ASIC2: variants seen among roughly 807,000 people sequenced by gnomAD.
The protein encoded by ASIC2 is acid sensing ion channel subunit 2.
A neutral mutation model predicts 57.3 loss-of-function variants in ASIC2; 25 were observed. The observed-to-expected ratio is 0.44, with a 90% confidence interval of 0.32 to 0.61. ASIC2 has a LOEUF of 0.61. Among genes scored for constraint, ASIC2 ranks in the 20% least tolerant of loss-of-function variants. The probability of loss-of-function intolerance (pLI) is 0.06; values close to 1 mark genes in which losing one functional copy is unlikely to be tolerated. For synonymous variants in ASIC2, 319 were observed against 307.5 expected (o/e 1.04, Z -0.39); for missense variants, 641 against 738.1 (o/e 0.87, Z 1.52).
chr17:33,193,388 C>T (rs1321765675), intron 1 of ASIC2, among the ~76,000 whole-genome samples: 1 of 152,170 alleles, frequency 6.6e-6, no homozygotes, highest in Non-Finnish European at 1.5e-5. Flanking sequence ...CATCAGGCTG[C>T]CTGGGTGGTC....
chr17:33,817,206 G>A (rs1339719678), intron 1 of ASIC2, among the ~76,000 whole-genome samples: 1 of 152,232 alleles, frequency 6.6e-6, no homozygotes, highest in Non-Finnish European at 1.5e-5. Flanking sequence ...CCTAGCCCAG[G>A]ATGCATCCTT....
At chr17:34,074,660 A>G (rs1322335073) in intron 1 of ASIC2, among the ~76,000 whole-genome samples, 1 of 151,960 alleles carries the variant, frequency 6.6e-6, no homozygotes, top group Non-Finnish European at 1.5e-5. Context: ...AGCAGAAAAC[A>G]CGCTTAGGAA....
At chr17:33,072,577 A>G (rs537361202) in intron 3 of ASIC2, among the ~76,000 whole-genome samples, 15 of 152,352 alleles carry the variant, frequency 9.8e-5, no homozygotes, top group African/African-American at 3.6e-4. Flanking sequence ...TCACAACTGA[A>G]GTACTTTCAT....
At chr17:33,882,393 A>T (rs1393139431) in intron 1 of ASIC2, among the ~76,000 whole-genome samples, 4 of 152,092 alleles carry the variant, frequency 2.6e-5, no homozygotes, top group Non-Finnish European at 5.9e-5. Context: ...GAATCTACAA[A>T]GAACTCAAAC....
intron 1 of ASIC2, among the ~76,000 whole-genome samples, chr17:33,886,739 C>CA (rs59036216): frequency 0.27 from 39,584 of 148,726 alleles, 5,315 homozygotes; most frequent in Middle Eastern, 0.37. Flanking sequence ...GTCTTTCTAC[C>CA]AAAAAAAAAA....
intron 1 of ASIC2, among the ~76,000 whole-genome samples, chr17:33,898,321 C>T (rs1915154605): frequency 6.9e-6 from 1 of 145,342 alleles, no homozygotes; most frequent in Admixed American, 7.1e-5. Context: ...CTGCAACCTC[C>T]GCCTCCCAGA....
At chr17:33,458,426 C>T (rs1292171726) in intron 1 of ASIC2, among the ~76,000 whole-genome samples, 1 of 151,936 alleles carries the variant, frequency 6.6e-6, no homozygotes, top group Non-Finnish European at 1.5e-5. Context: ...AGTTTTTTCA[C>T]ATGTTTGACT....
chr17:33,970,830 G>A (rs1422825702), intron 1 of ASIC2, among the ~76,000 whole-genome samples: 6 of 152,188 alleles, frequency 3.9e-5, no homozygotes, highest in Non-Finnish European at 8.8e-5. Context: ...AAAGGTGGGG[G>A]TGAAGTGGGG....
At chr17:33,306,161 C>G (rs918323554) in intron 1 of ASIC2, among the ~76,000 whole-genome samples, 2 of 152,084 alleles carry the variant, frequency 1.3e-5, no homozygotes, top group African/African-American at 4.8e-5. Flanking sequence ...AAATGGAATT[C>G]TATTTGAGAA....
At chr17:33,708,385 G>GT (rs143931597) in intron 1 of ASIC2, among the ~76,000 whole-genome samples, 68 of 151,920 alleles carry the variant, frequency 4.5e-4, no homozygotes, top group African/African-American at 1.4e-3. Context: ...ATATTTCTCT[G>GT]TTTTTTTTCC....
intron 1 of ASIC2, among the ~76,000 whole-genome samples, chr17:33,920,775 G>A (rs775377260): frequency 9.2e-5 from 14 of 152,240 alleles, no homozygotes; most frequent in East Asian, 5.8e-4. Flanking sequence ...TATTAGAGGC[G>A]TTGTGGTCGC....
At chr17:33,561,987 A>T (rs2141984556) in intron 1 of ASIC2, among the ~76,000 whole-genome samples, 1 of 152,178 alleles carries the variant, frequency 6.6e-6, no homozygotes, top group South Asian at 2.1e-4. Flanking sequence ...TTCCCTCCTC[A>T]CTTCCCAGAC....
intron 1 of ASIC2, among the ~76,000 whole-genome samples, chr17:33,958,099 C>T (rs185130192): frequency 6.6e-6 from 1 of 152,372 alleles, no homozygotes; most frequent in African/African-American, 2.4e-5. Flanking sequence ...CCAGGTTATG[C>T]TGTTGCAAGA....
chr17:34,046,709 T>C (rs1002833559), intron 1 of ASIC2, among the ~76,000 whole-genome samples: 1 of 152,198 alleles, frequency 6.6e-6, no homozygotes, highest in Non-Finnish European at 1.5e-5. Context: ...ATGGGAAACA[T>C]AGCAGCTGGG....
chr17:34,018,929 A>T (rs539684595), intron 1 of ASIC2, among the ~76,000 whole-genome samples: 1 of 151,356 alleles, frequency 6.6e-6, no homozygotes, highest in African/African-American at 2.4e-5. Context: ...TTTTTTTGAG[A>T]CGGAGTCTCG....
intron 4 of ASIC2, 136 bp from the exon 5 acceptor site, chr17:33,026,118 A>G: frequency 1.2e-6 from 1 of 861,934 alleles, no homozygotes; most frequent in Non-Finnish European, 1.8e-6. Flanking sequence ...GGGCAGTTCG[A>G]AGGGAGCCTT....
intron 1 of ASIC2, among the ~76,000 whole-genome samples, chr17:33,728,401 C>A (rs1955554957): frequency 6.6e-6 from 1 of 152,154 alleles, no homozygotes; most frequent in South Asian, 2.1e-4. Context: ...TTTTAATGGT[C>A]AGCTTCTGTG....
intron 1 of ASIC2, among the ~76,000 whole-genome samples, chr17:33,319,972 G>A (rs1000503830): frequency 2.6e-5 from 4 of 152,136 alleles, no homozygotes; most frequent in East Asian, 1.9e-4. Flanking sequence ...TTTGGGGAAG[G>A]AGCTAAGAAC....
chr17:34,109,125 A>G (rs1325595976), intron 1 of ASIC2, among the ~76,000 whole-genome samples: 1 of 151,796 alleles, frequency 6.6e-6, no homozygotes, highest in African/African-American at 2.4e-5. Flanking sequence ...GTGTTAACCT[A>G]TTAAAGTGGA....
Sources: gnomAD v4.1 joint callset for allele counts (sites outside exome capture counted in the v4.1 genomes callset) on GRCh38, gnomAD v4.1.1 for gene constraint, MANE v1.5 for transcripts, NCBI Gene and HGNC (gene_info 2026-07-23, HGNC 2026-07-21) for gene names.